The following NOL4 variants were observed in gnomAD, a reference collection of about 807,000 sequenced individuals.
The protein encoded by NOL4 is nucleolar protein 4.
A neutral mutation model predicts 75.9 loss-of-function variants in NOL4; 17 were observed. The ratio of observed to expected loss-of-function variants is 0.22; its 90% confidence interval spans 0.15 to 0.34. The LOEUF is 0.34. NOL4 is among the 10% of genes least tolerant of loss of function. The probability of loss-of-function intolerance (pLI) is 1.00; values close to 1 mark genes in which losing one functional copy is unlikely to be tolerated. For synonymous variants in NOL4, 292 were observed against 289.9 expected (o/e 1.01, Z -0.07); for missense variants, 614 against 793.5 (o/e 0.77, Z 2.72).
chr18:34,046,410 T>C (rs982027747), intron 5 of NOL4, among the ~76,000 whole-genome samples: 6 of 151,778 alleles, frequency 4.0e-5, no homozygotes, highest in East Asian at 1.9e-4. Flanking sequence ...CAGTCTTCAG[T>C]TGACAGCCAG....
At chr18:34,002,266 G>GC (rs927788340) in intron 6 of NOL4, among the ~76,000 whole-genome samples, 19 of 151,498 alleles carry the variant, frequency 1.3e-4, no homozygotes, top group South Asian at 6.3e-4. Flanking sequence ...TTTTCCAGTA[G>GC]CCCCCCCATT....
chr18:34,077,452 A>G (rs2077798742), intron 5 of NOL4, among the ~76,000 whole-genome samples: 1 of 151,882 alleles, frequency 6.6e-6, no homozygotes, highest in South Asian at 2.1e-4. Flanking sequence ...CACACACACA[A>G]TCACACACAC....
chr18:33,865,092 A>G (rs1281651532), intron 10 of NOL4, among the ~76,000 whole-genome samples: 1 of 152,150 alleles, frequency 6.6e-6, no homozygotes, highest in Non-Finnish European at 1.5e-5. Context: ...TAGTACCTAG[A>G]CAATTGTAAC....
At position 33,900,222 on chromosome 18, in the gene NOL4, A is replaced by T. The variant is rs549916480; in HGVS notation, c.1543-16798T>A. Among the ~76,000 whole-genome samples the T allele has an allele frequency of 2.1e-3, 325 of 152,220 alleles. 1 individual carries two copies. Among genetic ancestry groups the T allele is most frequent in the Middle Eastern group, 0.014 (4 of 294 alleles). On this transcript the variant is annotated intron_variant, in intron 9 of 10. Transcript: ENST00000261592. ...GCAGGTGTGTCACATGGTGAGAGAG[A>T]CAGGAGGAGGTACAAGGCTCTTAAA...
chr18:34,047,981 T>G (rs1258477217), intron 5 of NOL4, among the ~76,000 whole-genome samples: 1 of 152,140 alleles, frequency 6.6e-6, no homozygotes, highest in East Asian at 1.9e-4. Flanking sequence ...ACCACTTGCA[T>G]ACTTCTAAAT....
intron 5 of NOL4, among the ~76,000 whole-genome samples, chr18:34,066,525 AAT>A (rs1255846793): frequency 2.0e-5 from 3 of 152,040 alleles, no homozygotes; most frequent in Non-Finnish European, 4.4e-5. Flanking sequence ...TGAATGTTCA[AAT>A]ATGTTTACAC....
chr18:34,151,276 C>T (rs999034479), intron 1 of NOL4, among the ~76,000 whole-genome samples: 1 of 151,780 alleles, frequency 6.6e-6, no homozygotes, highest in African/African-American at 2.4e-5. Context: ...TTTATAGCAG[C>T]TTTATTTATA....
chr18:34,023,949 G>C lies in NOL4; in HGVS notation c.773-4348C>G, dbSNP rs73955100. 3.5e-3 allele frequency among the ~76,000 whole-genome samples: 528 copies of C among 151,878 alleles called. 1 individual carries two copies. The highest frequency in any genetic ancestry group is 0.012 in the African/African-American group (500 of 41,392). ...GAAATACTGTTAAGTTATCCCACCA[G>C]CATTTTGTAGAAAAGTGGTTTCATC... On this transcript the variant is annotated intron_variant, in intron 5 of 10. Transcript: ENST00000261592.
In NOL4 at chr18:34,066,595, A is replaced by T. The variant is rs115655083; in HGVS notation, c.772+26870T>A. 2.3e-3 allele frequency among the ~76,000 whole-genome samples: 344 copies of T among 152,070 alleles called. 2 individuals carry two copies. The highest frequency in any genetic ancestry group is 8.1e-3 in the African/African-American group (335 of 41,558). ...TGGCTAGTAGAAAGCTTGCATGTCA[A>T]ATCAGTACTAAAGTATTCCAAAACT... is the stretch of plus-strand genomic sequence containing the variant. On this transcript the variant is annotated intron_variant, in intron 5 of 10. Coordinates refer to ENST00000261592, the MANE Select transcript of NOL4 (RefSeq NM_003787.5).
At chr18:34,148,417 C>G (rs996303241) in intron 1 of NOL4, among the ~76,000 whole-genome samples, 6 of 151,926 alleles carry the variant, frequency 3.9e-5, no homozygotes, top group African/African-American at 1.4e-4. Context: ...CATTGTGTTT[C>G]TGTTCTCTTT....
At chr18:33,881,029 C>T (rs1404101997) in intron 10 of NOL4, among the ~76,000 whole-genome samples, 1 of 151,942 alleles carries the variant, frequency 6.6e-6, no homozygotes, top group Admixed American at 6.6e-5. Flanking sequence ...ACCACCACCT[C>T]CCCTCACCAA....
intron 6 of NOL4, among the ~76,000 whole-genome samples, chr18:33,969,557 A>G (rs2070875163): frequency 6.6e-6 from 1 of 152,106 alleles, no homozygotes; most frequent in Non-Finnish European, 1.5e-5. Context: ...GGCACACAAG[A>G]TATCTTTTTA....
intron 5 of NOL4, among the ~76,000 whole-genome samples, chr18:34,069,306 TG>T (rs573527270): frequency 1.3e-5 from 2 of 152,284 alleles, no homozygotes; most frequent in South Asian, 4.1e-4. Context: ...AATGAATAAG[TG>T]GATTTAAAAT....
chr18:33,997,432 A>T (rs1457826210), intron 6 of NOL4, among the ~76,000 whole-genome samples: 2 of 151,452 alleles, frequency 1.3e-5, no homozygotes, highest in African/African-American at 4.8e-5. Flanking sequence ...TGTTTTATAT[A>T]TCTGTTTTTG....
intron 1 of NOL4, among the ~76,000 whole-genome samples, chr18:34,217,928 C>A (rs567358702): frequency 1.3e-5 from 2 of 152,072 alleles, no homozygotes; most frequent in South Asian, 2.1e-4. Context: ...CTCCAGTAAA[C>A]GTCAGAGCCA....
intron 5 of NOL4, among the ~76,000 whole-genome samples, chr18:34,052,696 T>G (rs952692786): frequency 2.0e-5 from 3 of 152,032 alleles, no homozygotes; most frequent in African/African-American, 7.2e-5. Context: ...ATAGTACAGA[T>G]GGACAAAAAC....
At chr18:33,870,639 G>C (rs1390096057) in intron 10 of NOL4, among the ~76,000 whole-genome samples, 2 of 151,822 alleles carry the variant, frequency 1.3e-5, no homozygotes, top group Admixed American at 1.3e-4. Context: ...AATAAACATA[G>C]TATGACCTCC....
At chr18:34,015,303 A>G (rs2146368783) in intron 6 of NOL4, among the ~76,000 whole-genome samples, 1 of 152,154 alleles carries the variant, frequency 6.6e-6, no homozygotes, top group East Asian at 1.9e-4. Context: ...ACTGTCTTCA[A>G]TCAAATTTCC....
At chr18:33,884,422 C>T (rs1306450824) in intron 9 of NOL4, among the ~76,000 whole-genome samples, 6 of 152,104 alleles carry the variant, frequency 3.9e-5, no homozygotes, top group Admixed American at 1.3e-4. Flanking sequence ...TTTTAAGCTA[C>T]GCTAGTGTTT....
Sources: allele counts gnomAD v4.1 joint callset (sites outside exome capture counted in the v4.1 genomes callset), GRCh38; gene constraint gnomAD v4.1.1; transcripts MANE v1.5; gene names NCBI Gene and HGNC (gene_info 2026-07-23, HGNC 2026-07-21).